The following KCNQ3 variants were observed in gnomAD, a reference collection of about 807,000 sequenced individuals.
KCNQ3 encodes the protein potassium voltage-gated channel subfamily KQT member 3.
In KCNQ3, 30 loss-of-function variants were observed where a neutral mutation model predicts 92.5. That is an observed-to-expected ratio of 0.32 (90% CI 0.24 to 0.44). KCNQ3 has a LOEUF of 0.44. KCNQ3 is among the 20% of genes least tolerant of loss of function. The pLI is 1.00. For synonymous variants in KCNQ3, 450 were observed against 468.8 expected (o/e 0.96, Z 0.52); for missense variants, 913 against 1,140.3 (o/e 0.80, Z 2.87).
chr8:132,150,143 T>C (rs1825592148), intron 9 of KCNQ3, among the ~76,000 whole-genome samples: 1 of 151,896 alleles, frequency 6.6e-6, no homozygotes, highest in African/African-American at 2.4e-5. Context: ...GTATTTTTGG[T>C]AGAGTTTTAA....
rs943021394 is a variant in KCNQ3 at position 132,373,301 on chromosome 8, TTAA to T, written c.386+106843_386+106845del. Among the ~76,000 whole-genome samples the T allele has an allele frequency of 5.4e-4, 82 of 152,278 alleles. 2 individuals carry two copies. The highest frequency in any genetic ancestry group is 5.4e-3 in the Admixed American group (82 of 15,304). ...ACCTCTCTGGGACTCCATATATTTA[TTAA>T]TATCATTGGGCAATAATAAAACACC... On this transcript the variant is annotated intron_variant, in intron 1 of 14. Coordinates refer to ENST00000388996, the MANE Select transcript of KCNQ3 (RefSeq NM_004519.4).
intron 1 of KCNQ3, among the ~76,000 whole-genome samples, chr8:132,239,476 A>G (rs1814917891): frequency 6.6e-6 from 1 of 152,228 alleles, no homozygotes; most frequent in African/African-American, 2.4e-5. Context: ...AGAAGAAGAC[A>G]AAATGAAACT....
At chr8:132,370,869 G>T (rs141154395) in intron 1 of KCNQ3, among the ~76,000 whole-genome samples, 1 of 152,302 alleles carries the variant, frequency 6.6e-6, no homozygotes, top group Non-Finnish European at 1.5e-5. Flanking sequence ...CTACTTACCA[G>T]TACCCAGTGA....
intron 1 of KCNQ3, among the ~76,000 whole-genome samples, chr8:132,457,537 G>T (rs1220848206): frequency 1.3e-5 from 2 of 152,066 alleles, no homozygotes; most frequent in Non-Finnish European, 2.9e-5. Context: ...TCAACACCAA[G>T]CCTTTGTCAG....
intron 1 of KCNQ3, among the ~76,000 whole-genome samples, chr8:132,239,402 G>A (rs767731750): frequency 3.3e-5 from 5 of 152,190 alleles, no homozygotes; most frequent in Non-Finnish European, 4.4e-5. Context: ...GTACCACTAA[G>A]GTTACTGCTT....
At chr8:132,272,945 C>T (rs559927052) in intron 1 of KCNQ3, among the ~76,000 whole-genome samples, 1 of 152,318 alleles carries the variant, frequency 6.6e-6, no homozygotes, top group East Asian at 1.9e-4. Context: ...CAAAAGTACA[C>T]AGTCTGAAGT....
chr8:132,140,324 T>C (rs1825246630), intron 10 of KCNQ3, 146 bp from the exon 11 acceptor site: 1 of 618,252 alleles, frequency 1.6e-6, no homozygotes, highest in African/African-American at 1.8e-5. Context: ...CACGGTATTC[T>C]CAAGCTGTGA....
chr8:132,379,186 T>A (rs1819681939), intron 1 of KCNQ3, among the ~76,000 whole-genome samples: 2 of 152,204 alleles, frequency 1.3e-5, no homozygotes, highest in South Asian at 4.1e-4. Flanking sequence ...ATGAACAGAA[T>A]CATAATAATT....
intron 1 of KCNQ3, among the ~76,000 whole-genome samples, chr8:132,389,140 A>G (rs1382373940): frequency 2.0e-5 from 3 of 152,226 alleles, no homozygotes; most frequent in Non-Finnish European, 4.4e-5. Flanking sequence ...ATAACTGATC[A>G]ATCTCACTGC....
rs1332348706 is a variant in KCNQ3, at chr8:132,186,089, A to G, written c.477+2T>C. On this transcript the variant is annotated splice_donor_variant, in intron 2 of 14. Transcript: ENST00000388996. LOFTEE classifies it high-confidence loss of function. The stretch of plus-strand genomic sequence containing the variant: ...AGCATTTACCCCAGAATGCAATCTT[A>G]CCAGTAACAGAAGCCAGTCTCCCGA... The G allele has an allele frequency of 6.2e-7, 1 of 1,609,690 alleles. No homozygotes were observed. The highest frequency in any genetic ancestry group is 1.7e-5 in the Admixed American group (1 of 59,996).
chr8:132,187,616 C>T (rs1015385016), intron 1 of KCNQ3, among the ~76,000 whole-genome samples: 5 of 150,228 alleles, frequency 3.3e-5, no homozygotes, highest in Admixed American at 6.6e-5. Context: ...TCTCAGTTGA[C>T]GATGATGATG....
In KCNQ3 at chr8:132,180,274, A is replaced by G. The variant is rs41272389; in HGVS notation, c.660T>C (p.Asn220=). ...VPVVAVGNQG[N]VLATSLRSLR... is the part of the protein sequence containing the mutation. ...GGCTTCGCAGGGAGGTGGCCAGAAC[A>G]TTGCCTTGGTTTCCCACAGCAACCA... Residue 220 remains asparagine (N), a synonymous_variant, in exon 4 of 15, where the codon AAT becomes AAC. Coordinates refer to ENST00000388996, the MANE Select transcript of KCNQ3 (RefSeq NM_004519.4). 102,221 of 1,614,106 alleles carry G rather than the reference A, an allele frequency of 0.063. 3,676 individuals are homozygous for G. Among genetic ancestry groups the G allele is most frequent in the Non-Finnish European group, 0.072 (85,323 of 1,180,024 alleles).
intron 1 of KCNQ3, among the ~76,000 whole-genome samples, chr8:132,339,118 C>G (rs187909788): frequency 2.0e-5 from 3 of 152,170 alleles, no homozygotes; most frequent in African/African-American, 7.2e-5. Flanking sequence ...TACCATTAAT[C>G]AGGCAGCTGT....
At position 132,134,930 on chromosome 8, in the gene KCNQ3, C is replaced by CCAA. The variant is rs370569733; in HGVS notation, c.1701-545_1701-543dup. 1.2e-3 allele frequency among the ~76,000 whole-genome samples: 179 copies of CCAA among 152,240 alleles called. 1 individual carries two copies. Among genetic ancestry groups the CCAA allele is most frequent in the African/African-American group, 4.1e-3 (170 of 41,550 alleles). The stretch of plus-strand genomic sequence containing the variant: ...ATCTCTGGCCAGTAGAAAGATAGAT[C>CCAA]CAACACCAGCTTCCATTCCTATTTC... On this transcript the variant is annotated intron_variant, in intron 12 of 14. Coordinates refer to ENST00000388996, the MANE Select transcript of KCNQ3 (RefSeq NM_004519.4).
At chr8:132,294,408 CT>C (rs1816955790) in intron 1 of KCNQ3, among the ~76,000 whole-genome samples, 2 of 152,116 alleles carry the variant, frequency 1.3e-5, no homozygotes, top group South Asian at 4.1e-4. Flanking sequence ...AGGGCTTCCC[CT>C]GGGACCACCT....
intron 1 of KCNQ3, among the ~76,000 whole-genome samples, chr8:132,303,617 T>C (rs1433196279): frequency 1.6e-5 from 1 of 64,480 alleles, no homozygotes; most frequent in African/African-American, 8.5e-5. Context: ...TATATATATA[T>C]ATATATATAT....
chr8:132,397,763 G>C (rs762425241), intron 1 of KCNQ3, among the ~76,000 whole-genome samples: 1 of 152,080 alleles, frequency 6.6e-6, no homozygotes, highest in Non-Finnish European at 1.5e-5. Flanking sequence ...AGTTCCCAGA[G>C]AAGCTAAGGA....
chr8:132,467,049 C>T (rs1279652125), intron 1 of KCNQ3, among the ~76,000 whole-genome samples: 1 of 152,178 alleles, frequency 6.6e-6, no homozygotes, highest in African/African-American at 2.4e-5. Context: ...TCCAGTCCTC[C>T]GTTGCTTCAC....
At chr8:132,467,850 T>C (rs1822208818) in intron 1 of KCNQ3, among the ~76,000 whole-genome samples, 1 of 152,216 alleles carries the variant, frequency 6.6e-6, no homozygotes, top group South Asian at 2.1e-4. Flanking sequence ...AAGACTCTTC[T>C]GATGGCACAC....
Sources: allele counts gnomAD v4.1 joint callset (sites outside exome capture counted in the v4.1 genomes callset), GRCh38; gene constraint gnomAD v4.1.1; transcripts MANE v1.5; gene names NCBI Gene and HGNC (gene_info 2026-07-23, HGNC 2026-07-21).